LGR6: variants seen among roughly 807,000 people sequenced by gnomAD.
LGR6 encodes the protein leucine rich repeat containing G protein-coupled receptor 6.
In LGR6, 45 loss-of-function variants were observed where a neutral mutation model predicts 69.4. The observed-to-expected ratio is 0.65, with a 90% CI of 0.51 to 0.83. LGR6 has a LOEUF of 0.83. Among genes scored for constraint, LGR6 ranks in the 40% least tolerant of loss-of-function variants. LGR6 has a pLI of 0.00. For synonymous variants in LGR6, 538 were observed against 555.0 expected, an observed-to-expected ratio of 0.97 and a Z score of 0.43; for missense variants, 1,108 against 1,246.7, an observed-to-expected ratio of 0.89 and a Z score of 1.68.
intron 6 of LGR6, among the ~76,000 whole-genome samples, chr1:202,295,571 T>C (rs1445537929): frequency 6.6e-6 from 1 of 152,170 alleles, no homozygotes; most frequent in Admixed American, 6.5e-5. Context: ...TTTCTAGGCA[T>C]TTTCTGTAGC....
intron 5 of LGR6, among the ~76,000 whole-genome samples, chr1:202,277,453 G>A (rs988554842): frequency 1.3e-5 from 2 of 152,032 alleles, no homozygotes; most frequent in Admixed American, 1.3e-4. Context: ...TGGGAGTCAC[G>A]GGGCAGGGTG....
chr1:202,300,718 A>G, intron 7 of LGR6, 131 bp from the exon 8 acceptor site: 4 of 556,218 alleles, frequency 7.2e-6, no homozygotes, highest in Non-Finnish European at 1.3e-5. Context: ...TGAACCTGGA[A>G]TCTCCAGGCC....
chr1:202,297,679 T>A (rs1667262133), intron 7 of LGR6, 103 bp downstream of exon 7: 2 of 899,816 alleles, frequency 2.2e-6, no homozygotes, highest in East Asian at 5.0e-5. Context: ...CCTCCCATGG[T>A]CCTTATAAAA....
chr1:202,205,867 A>G (rs1256420523), intron 1 of LGR6, among the ~76,000 whole-genome samples: 1 of 146,216 alleles, frequency 6.8e-6, no homozygotes, highest in Non-Finnish European at 1.5e-5. Flanking sequence ...CCTCCTTCAA[A>G]CACACACCCG....
At chr1:202,228,525 C>T (rs931759113) in intron 3 of LGR6, among the ~76,000 whole-genome samples, 1 of 152,204 alleles carries the variant, frequency 6.6e-6, no homozygotes. Context: ...CCTCCTTTAC[C>T]TATTCCCTTT....
At chr1:202,260,751 A>AT (rs1173282862) in intron 4 of LGR6, among the ~76,000 whole-genome samples, 3 of 152,120 alleles carry the variant, frequency 2.0e-5, no homozygotes, top group Non-Finnish European at 2.9e-5. Context: ...TTGAGAATAT[A>AT]TTTTTTTGTG....
intron 4 of LGR6, among the ~76,000 whole-genome samples, chr1:202,253,787 C>A: frequency 6.8e-6 from 1 of 146,868 alleles, no homozygotes; most frequent in African/African-American, 2.5e-5. Context: ...TGCCACCACG[C>A]CTGGCTAATT....
intron 4 of LGR6, among the ~76,000 whole-genome samples, chr1:202,261,968 T>C (rs565055843): frequency 4.9e-4 from 74 of 152,268 alleles, no homozygotes; most frequent in Non-Finnish European, 8.4e-4. Context: ...GAGTTCATTG[T>C]AAATTCTGGA....
At chr1:202,305,958 AC>A (rs1296606601) in intron 12 of LGR6, among the ~76,000 whole-genome samples, 1 of 152,166 alleles carries the variant, frequency 6.6e-6, no homozygotes, top group Non-Finnish European at 1.5e-5. Context: ...CAGAAGACCG[AC>A]CCAGGAGCTG....
rs138018014 is a variant in LGR6 at position 202,270,657 on chromosome 1, GAC to G, written c.429-5645_429-5644del. On this transcript the variant is annotated intron_variant, in intron 4 of 17. Coordinates refer to ENST00000367278, the MANE Select transcript of LGR6 (RefSeq NM_001017403.2). ...AGGCTGGAAGGCTCCTTCAGGCTCT[GAC>G]ACAGTGTGATTCTTAGTGTACGCTA... is the stretch of plus-strand genomic sequence containing the variant. Among the ~76,000 whole-genome samples, 1,217 of 152,334 alleles carry G rather than the reference GAC, an allele frequency of 8.0e-3. 20 individuals carry two copies. Among genetic ancestry groups the G allele is most frequent in the African/African-American group, 0.028 (1,155 of 41,564 alleles).
rs1558003790 is a variant in LGR6, at chr1:202,204,549, CACACACCTCCAAACACAA to C, written c.212+10357_212+10374del. On this transcript the variant is annotated intron_variant, in intron 1 of 17. Coordinates refer to ENST00000367278, the MANE Select transcript of LGR6 (RefSeq NM_001017403.2). The stretch of plus-strand genomic sequence containing the variant: ...AACACACACACCTCCTTCAAACACA[CACACACCTCCAAACACAA>C]ACACACCTAACACACACCTCCTTCA... 1.5e-3 allele frequency among the ~76,000 whole-genome samples: 227 copies of C among 151,028 alleles called. 1 individual carries two copies. Among genetic ancestry groups the C allele is most frequent in the African/African-American group, 4.9e-3 (199 of 40,698 alleles).
At chr1:202,219,938 T>A (rs1437167724) in intron 1 of LGR6, among the ~76,000 whole-genome samples, 1 of 152,204 alleles carries the variant, frequency 6.6e-6, no homozygotes, top group Non-Finnish European at 1.5e-5. Flanking sequence ...TACAGTGGCA[T>A]GATCTTGACT....
chr1:202,254,994 G>A (rs985638432), intron 4 of LGR6, among the ~76,000 whole-genome samples: 2 of 152,160 alleles, frequency 1.3e-5, no homozygotes, highest in Admixed American at 6.5e-5. Flanking sequence ...GCGAATTGGG[G>A]GCGCGGGGAT....
At chr1:202,300,747 T>A (rs1028594232) in intron 7 of LGR6, 102 bp from the exon 8 acceptor site, 2 of 706,174 alleles carry the variant, frequency 2.8e-6, no homozygotes, top group Non-Finnish European at 4.8e-6. Context: ...TTTTGTCTTA[T>A]GGACTGTCTA....
intron 4 of LGR6, among the ~76,000 whole-genome samples, chr1:202,246,271 C>T (rs867889498): frequency 2.1e-4 from 1 of 4,840 alleles, no homozygotes; most frequent in Non-Finnish European, 4.5e-4. Context: ...ATCCATCCCT[C>T]CCTCCCTCCC....
intron 4 of LGR6, among the ~76,000 whole-genome samples, chr1:202,272,337 C>T (rs762674221): frequency 6.6e-6 from 1 of 152,208 alleles, no homozygotes; most frequent in Non-Finnish European, 1.5e-5. Flanking sequence ...CGTCTCTCTG[C>T]TCATCCCAAA....
rs1271102676 is a variant in LGR6 at position 202,276,308 on chromosome 1, G to A, written c.431G>A (p.Arg144His). 6.8e-6 allele frequency: 11 copies of A among 1,612,794 alleles called. No homozygotes were observed. Among genetic ancestry groups the A allele is most frequent in the East Asian group, 4.5e-5 (2 of 44,864 alleles). ...CTCTCCATCCTCTCTTCCACCAGGC[G>A]CCTAGATGCCAACCTCATCTCCCTG... ...LWELPSLQSL[R>H]LDANLISLVP... Residue 144 changes from arginine (R) to histidine (H), a missense_variant and splice_region_variant, in exon 5 of 18, where the codon CGC becomes CAC. Transcript: ENST00000367278.
At chr1:202,203,666 C>T (rs1363611439) in intron 1 of LGR6, 2 of 694,858 alleles carry the variant, frequency 2.9e-6, no homozygotes, top group Non-Finnish European at 5.0e-6. Context: ...TAACTGTGAC[C>T]TGTTGTAGGA....
chr1:202,216,004 C>T (rs1295108279), intron 1 of LGR6, among the ~76,000 whole-genome samples: 1 of 152,226 alleles, frequency 6.6e-6, no homozygotes, highest in Non-Finnish European at 1.5e-5. Context: ...TTGTAATTGT[C>T]CACTCTGTTG....
Sources: allele counts gnomAD v4.1 joint callset (sites outside exome capture counted in the v4.1 genomes callset), GRCh38; gene constraint gnomAD v4.1.1; transcripts MANE v1.5; gene names NCBI Gene and HGNC (gene_info 2026-07-23, HGNC 2026-07-21).